RBM20: variants seen among roughly 807,000 people sequenced by gnomAD.
The protein encoded by RBM20 is RNA-binding protein 20.
In RBM20, 51 loss-of-function variants were observed where a neutral mutation model predicts 110.1. The observed-to-expected ratio is 0.46, with a 90% CI of 0.37 to 0.59. RBM20 has a LOEUF of 0.59. Among genes scored for constraint, RBM20 ranks in the 20% least tolerant of loss-of-function variants. The pLI, the probability that RBM20 is intolerant of heterozygous loss-of-function variation, is 0.00. For missense variants in RBM20, 1,512 were observed against 1,574.9 expected (o/e 0.96, Z 0.68); for synonymous variants, 589 against 618.2 (o/e 0.95, Z 0.70).
intron 1 of RBM20, among the ~76,000 whole-genome samples, chr10:110,693,734 A>C (rs890835239): frequency 6.6e-6 from 1 of 152,224 alleles, no homozygotes; most frequent in Non-Finnish European, 1.5e-5. Flanking sequence ...ATATTTTACT[A>C]TATGTCTTTT....
At chr10:110,707,909 T>G (rs1454342565) in intron 1 of RBM20, among the ~76,000 whole-genome samples, 1 of 152,200 alleles carries the variant, frequency 6.6e-6, no homozygotes, top group South Asian at 2.1e-4. Context: ...AATTGTAATG[T>G]TCCTAACACA....
chr10:110,708,945 G>A (rs1184674294), intron 1 of RBM20, among the ~76,000 whole-genome samples: 3 of 152,180 alleles, frequency 2.0e-5, no homozygotes, highest in Non-Finnish European at 4.4e-5. Flanking sequence ...GGAATAATCT[G>A]GGCCTGGCGT....
At chr10:110,715,484 G>A (rs1267834637) in intron 1 of RBM20, among the ~76,000 whole-genome samples, 2 of 152,188 alleles carry the variant, frequency 1.3e-5, no homozygotes, top group Non-Finnish European at 2.9e-5. Flanking sequence ...TTCCTTTGCT[G>A]CATTGTACTT....
In RBM20 at chr10:110,783,404, G is replaced by A. The variant is rs2135048107; in HGVS notation, c.1314G>A (p.Gln438=). ...ELHVKGKLHA[Q]KCLVFSENAG... is the part of the protein sequence containing the mutation. Reference sequence around the variant, plus strand: ...ATGTGAAAGGGAAGCTGCACGCTCAGAAATGCCTGGTCTTCTCTGAAAAGT... The same window carrying A: ...ATGTGAAAGGGAAGCTGCACGCTCAAAAATGCCTGGTCTTCTCTGAAAAGT... The change falls in exon 3 of 14, where the codon CAG becomes CAA. Residue 438 remains glutamine (Q), a synonymous_variant. Coordinates refer to ENST00000369519, the MANE Select transcript of RBM20 (RefSeq NM_001134363.3). The A allele has an allele frequency of 6.4e-7, 1 of 1,551,520 alleles. No individual in the cohort carries two copies. Among genetic ancestry groups the A allele is most frequent in the South Asian group, 1.2e-5 (1 of 84,018 alleles).
At chr10:110,820,662 A>G (rs1349107509) in intron 10 of RBM20, among the ~76,000 whole-genome samples, 1 of 152,224 alleles carries the variant, frequency 6.6e-6, no homozygotes, top group Non-Finnish European at 1.5e-5. Context: ...GAGCTGCCAC[A>G]ACAAAAAGAA....
chr10:110,808,973 G>C (rs963353971), intron 7 of RBM20, among the ~76,000 whole-genome samples: 1 of 152,066 alleles, frequency 6.6e-6, no homozygotes, highest in Non-Finnish European at 1.5e-5. Context: ...CCTGCACTTT[G>C]AGAGGCCAAG....
In RBM20 at chr10:110,784,830, C is replaced by A; in HGVS notation, c.1468C>A (p.Pro490Thr). 6.4e-7 allele frequency: 1 copy of A among 1,551,240 alleles called. No individual in the cohort carries two copies. Among genetic ancestry groups the A allele is most frequent in the Non-Finnish European group, 8.7e-7 (1 of 1,146,564 alleles). ...SNLGTSYVPI[P>T]ARSFTQSSPT... ...TCTTGGAACATCATACGTGCCCATT[C>A]CAGCAAGGTCATTCACTCAGTCAAG... Residue 490 changes from proline to threonine, a missense_variant, in exon 5 of 14, where the codon CCA becomes ACA. Physicochemically the swap from Pro to Thr is conservative, Grantham distance 38. Around this residue, in one of 3 missense-constraint regions of RBM20, gnomAD observed 1,149 missense variants for 1,169.4 expected, o/e 0.98. Transcript: ENST00000369519.
intron 5 of RBM20, 65 bp from the exon 6 acceptor site, chr10:110,797,443 G>A (rs777808275): frequency 1.4e-4 from 196 of 1,439,392 alleles, no homozygotes; most frequent in Middle Eastern, 7.0e-4. Context: ...CATTAAGAAC[G>A]TCTGGAAGAG....
At position 110,781,724 on chromosome 10, in the gene RBM20, A is replaced by G; in HGVS notation, c.1115A>G (p.Lys372Arg). Residue 372 changes from lysine to arginine, a missense_variant, in exon 2 of 14, where the codon AAA becomes AGA. Lys to Arg is a conservative substitution (Grantham distance 26). This residue lies in a region of RBM20 where 1,149 missense variants were observed against 1,169.4 expected (regional missense o/e 0.98). Transcript: ENST00000369519. The stretch of plus-strand genomic sequence containing the variant: ...TTCGGGGGTCGGCTTAACAACAGCA[A>G]ACAGGGTTTTATCGGTGCTGGGCGG... ...PSFGGRLNNS[K>R]QGFIGAGRRA... The G allele has an allele frequency of 2.6e-6, 4 of 1,551,730 alleles. No homozygotes were observed. Among genetic ancestry groups the G allele is most frequent in the Non-Finnish European group, 3.5e-6 (4 of 1,146,872 alleles).
At chr10:110,685,981 G>A (rs935712784) in intron 1 of RBM20, among the ~76,000 whole-genome samples, 1 of 152,186 alleles carries the variant, frequency 6.6e-6, no homozygotes, top group African/African-American at 2.4e-5. Context: ...AAGCCTGAGC[G>A]TATAGCTCGG....
At chr10:110,666,947 T>C (rs372688277) in intron 1 of RBM20, among the ~76,000 whole-genome samples, 1 of 151,848 alleles carries the variant, frequency 6.6e-6, no homozygotes, top group African/African-American at 2.4e-5. Context: ...GGGAAGAAAA[T>C]GGAAATAGAC....
At chr10:110,803,969 G>T (rs1204722237) in intron 7 of RBM20, among the ~76,000 whole-genome samples, 1 of 152,050 alleles carries the variant, frequency 6.6e-6, no homozygotes, top group Non-Finnish European at 1.5e-5. Flanking sequence ...TTTTGGCTTT[G>T]TTTACTGGGG....
chr10:110,759,872 A>C (rs1217500413), intron 1 of RBM20, among the ~76,000 whole-genome samples: 1 of 152,228 alleles, frequency 6.6e-6, no homozygotes, highest in Admixed American at 6.5e-5. Context: ...TGAAAGGTGT[A>C]AGAAACAAAG....
At chr10:110,782,636 C>A (rs1177220780) in intron 2 of RBM20, among the ~76,000 whole-genome samples, 1 of 152,178 alleles carries the variant, frequency 6.6e-6, no homozygotes, top group Non-Finnish European at 1.5e-5. Context: ...AGATGACTTA[C>A]TCAGCCCCTT....
chr10:110,768,910 C>G (rs1379679422), intron 1 of RBM20, among the ~76,000 whole-genome samples: 1 of 151,158 alleles, frequency 6.6e-6, no homozygotes, highest in African/African-American at 2.4e-5. Flanking sequence ...GTGTTTGACC[C>G]TTTGTGGACT....
intron 1 of RBM20, among the ~76,000 whole-genome samples, chr10:110,719,715 A>AT (rs1473244164): frequency 6.6e-6 from 1 of 151,852 alleles, no homozygotes; most frequent in East Asian, 1.9e-4. Flanking sequence ...TCCTATGTGT[A>AT]TTTTTTATTA....
rs376136996 is a variant in RBM20 at position 110,696,047 on chromosome 10, G to A, written c.191+51402G>A. On this transcript the variant is annotated intron_variant, in intron 1 of 13. Transcript: ENST00000369519. ...TTAGGAATGCAAATTCTCAGGCCCT[G>A]TTCCAGAGCCAATCAGTCTCCTTAG... Among the ~76,000 whole-genome samples the A allele has an allele frequency of 3.4e-3, 522 of 152,322 alleles. 1 individual carries two copies. The highest frequency in any genetic ancestry group is 0.012 in the African/African-American group (501 of 41,564).
At chr10:110,829,523 T>C (rs1374041751) in intron 12 of RBM20, among the ~76,000 whole-genome samples, 1 of 152,164 alleles carries the variant, frequency 6.6e-6, no homozygotes, top group Non-Finnish European at 1.5e-5. Flanking sequence ...ACAGCCCCAC[T>C]GTCAGTCCAG....
intron 1 of RBM20, among the ~76,000 whole-genome samples, chr10:110,653,649 C>T (rs2134810093): frequency 6.6e-6 from 1 of 152,132 alleles, no homozygotes; most frequent in African/African-American, 2.4e-5. Context: ...CTTGACCTCC[C>T]TGGCTCAAGC....
Sources: allele counts gnomAD v4.1 joint callset (sites outside exome capture counted in the v4.1 genomes callset), GRCh38; gene constraint gnomAD v4.1.1; regional missense constraint gnomAD v4.1.1; transcripts MANE v1.5; gene names NCBI Gene and HGNC (gene_info 2026-07-23, HGNC 2026-07-21).